The following BMP7 variants were observed in gnomAD, a reference collection of about 807,000 sequenced individuals.
The protein encoded by BMP7 is bone morphogenetic protein 7.
In BMP7, 12 loss-of-function variants were observed where a neutral mutation model predicts 41.2. The ratio of observed to expected loss-of-function variants is 0.29; its 90% CI spans 0.19 to 0.47. The LOEUF is 0.47. BMP7 is among the 20% of genes least tolerant of loss of function. The pLI is 0.99. For missense variants in BMP7, 467 were observed against 606.0 expected (o/e 0.77, Z 2.41); for synonymous variants, 248 against 250.0 (o/e 0.99, Z 0.07).
At chr20:57,216,534 G>C (rs929528905) in intron 2 of BMP7, among the ~76,000 whole-genome samples, 2 of 149,954 alleles carry the variant, frequency 1.3e-5, no homozygotes, top group African/African-American at 5.0e-5. Context: ...GGGCGAGGGG[G>C]CTGTCTCCTG....
At chr20:57,237,849 A>C (rs1428094095) in intron 1 of BMP7, among the ~76,000 whole-genome samples, 1 of 152,262 alleles carries the variant, frequency 6.6e-6, no homozygotes, top group Non-Finnish European at 1.5e-5. Context: ...GTACTGTAGA[A>C]GAGTAGTTCA....
At chr20:57,258,485 C>T (rs1319422320) in intron 1 of BMP7, among the ~76,000 whole-genome samples, 2 of 152,178 alleles carry the variant, frequency 1.3e-5, no homozygotes, top group Non-Finnish European at 2.9e-5. Context: ...TGACCATCTT[C>T]CAGAAAGGAT....
At chr20:57,192,393 A>C (rs1984391230) in intron 3 of BMP7, among the ~76,000 whole-genome samples, 1 of 149,312 alleles carries the variant, frequency 6.7e-6, no homozygotes, top group African/African-American at 2.5e-5. Flanking sequence ...GCTCGTGTAC[A>C]GATGTAACAT....
chr20:57,255,409 G>C (rs2066130225), intron 1 of BMP7, among the ~76,000 whole-genome samples: 3 of 152,190 alleles, frequency 2.0e-5, no homozygotes, highest in Non-Finnish European at 4.4e-5. Flanking sequence ...GCCCTCTGAG[G>C]TCTACAATCC....
Position 57,183,685 on chromosome 20 carries a change from C to T in BMP7, c.958+37G>A, listed in dbSNP as rs748869942. On this transcript the variant is annotated intron_variant, in intron 4 of 6. Transcript: ENST00000395863. ...GTCCCGCCGGGGCCCTGCTGGGTTC[C>T]TGTGGTGGGTCTGTGATCCCTCCCA... The T allele has an allele frequency of 2.5e-6, 4 of 1,612,614 alleles. No homozygotes were observed. The Admixed American group carries it at 6.7e-5, about 27-fold the overall frequency.
At chr20:57,197,812 A>T (rs1984529230) in intron 3 of BMP7, among the ~76,000 whole-genome samples, 1 of 152,196 alleles carries the variant, frequency 6.6e-6, no homozygotes, top group South Asian at 2.1e-4. Context: ...AAGGAACAAG[A>T]CCCCAAGAAG....
chr20:57,228,523 G>A lies in BMP7; in HGVS notation c.419-102C>T. ...AGCATCTTGCCTAAGCTAGATGGAG[G>A]CATGCCCATTGCCAGTGACCCCAGT... On this transcript the variant is annotated intron_variant, in intron 1 of 6. Transcript: ENST00000395863. This position sits in a 1 kb window ranked among gnomAD's most constrained non-coding sequence, Gnocchi z 4.5. 1 of 1,408,302 alleles carries A rather than the reference G, an allele frequency of 7.1e-7. No homozygotes were observed. The highest frequency in any genetic ancestry group is 1.0e-6 in the Non-Finnish European group (1 of 996,462). 87.2% of individuals were successfully genotyped at this position (1,408,302 alleles called of 1,614,324 possible).
At position 57,175,148 on chromosome 20, in the gene BMP7, G is replaced by T. The variant is rs2182435; in HGVS notation, c.959-141C>A. The T allele has an allele frequency of 0.075, 67,639 of 905,860 alleles. 2,788 individuals are homozygous for T. The highest frequency in any genetic ancestry group is 0.081 in the Non-Finnish European group (46,220 of 573,258). The allele number at this position is 905,860 out of a possible 1,614,324, so 56.1% of individuals were successfully genotyped here. On this transcript the variant is annotated intron_variant, in intron 4 of 6. Coordinates refer to ENST00000395863, the MANE Select transcript of BMP7 (RefSeq NM_001719.3). ...GGGGGGTAAATTTCCCGATTCAAAA[G>T]CCAGTTCGAGGGTCTAACTGCCTTA...
intron 4 of BMP7, among the ~76,000 whole-genome samples, chr20:57,179,487 C>A (rs1248908036): frequency 3.3e-5 from 5 of 152,238 alleles, no homozygotes; most frequent in Admixed American, 1.3e-4. Context: ...GACCCAGTTT[C>A]TCAACCCCAA....
chr20:57,184,288 G>A (rs73287961), intron 3 of BMP7, among the ~76,000 whole-genome samples: 3,043 of 152,232 alleles, frequency 0.02, 97 homozygotes, highest in African/African-American at 0.062. Context: ...TCAGGGAGTT[G>A]GGGGGCAATC....
rs543787597 is a variant in BMP7 at position 57,171,682 on chromosome 20, C to T, written c.1147-574G>A. ...AGTGTTAGCAGATCTGCCACGTGTT[C>T]AAGACAGGCCAGAGATTCCACTGTC... On this transcript the variant is annotated intron_variant, in intron 6 of 6. Coordinates refer to ENST00000395863, the MANE Select transcript of BMP7 (RefSeq NM_001719.3). The surrounding 1 kb of genome is among the most constrained non-coding windows in gnomAD (Gnocchi z 4.5). Among the ~76,000 whole-genome samples, 2 of 152,306 alleles carry T rather than the reference C, an allele frequency of 1.3e-5. No individual in the cohort carries two copies. Among genetic ancestry groups the T allele is most frequent in the African/African-American group, 4.8e-5 (2 of 41,564 alleles).
chr20:57,228,181 C>T lies in BMP7; in HGVS notation c.611+48G>A. On this transcript the variant is annotated intron_variant, in intron 2 of 6. Transcript: ENST00000395863. This position sits in a 1 kb window ranked among gnomAD's most constrained non-coding sequence, Gnocchi z 4.5. ...GGCCCTCACCACCTTCTTCCTCTGCCCCCAGAGGAAACTCAGCACCTCTCC... is the reference window on the plus strand; with the variant it reads ...GGCCCTCACCACCTTCTTCCTCTGCTCCCAGAGGAAACTCAGCACCTCTCC... 1.3e-6 allele frequency: 2 copies of T among 1,588,504 alleles called. No individual in the cohort carries two copies. Among genetic ancestry groups the T allele is most frequent in the Non-Finnish European group, 8.6e-7 (1 of 1,158,542 alleles).
intron 6 of BMP7, among the ~76,000 whole-genome samples, chr20:57,172,343 CAAAG>C (rs760344537): frequency 1.4e-4 from 22 of 152,028 alleles, no homozygotes; most frequent in Non-Finnish European, 2.6e-4. Flanking sequence ...AAAAAACAAA[CAAAG>C]AAACAAAAAC....
intron 4 of BMP7, among the ~76,000 whole-genome samples, chr20:57,181,802 A>G (rs537695965): frequency 2.0e-5 from 3 of 152,138 alleles, no homozygotes; most frequent in East Asian, 3.9e-4. Context: ...CCACAGCTCA[A>G]AAAGGCTCTC....
Position 57,266,281 on chromosome 20 carries a change from C to T in BMP7, c.-159G>A. 1 of 602,536 alleles carries T rather than the reference C, an allele frequency of 1.7e-6. No individual in the cohort carries two copies. The highest frequency in any genetic ancestry group is 2.4e-6 in the Non-Finnish European group (1 of 417,424). The allele number at this position is 602,536 out of a possible 1,614,324, so 37.3% of individuals were successfully genotyped here. A position where few individuals can be genotyped will look rare whatever the true frequency, so the allele number is the denominator to read the frequency against. On this transcript the variant is annotated 5_prime_UTR_variant, in exon 1 of 7. Coordinates refer to ENST00000395863, the MANE Select transcript of BMP7 (RefSeq NM_001719.3). ...TGGCCCCTCCCCGGCCGGCCGCGCT[C>T]TGCCCGGACCCCCGCCCCCTGCTCG...
intron 2 of BMP7, among the ~76,000 whole-genome samples, chr20:57,216,618 A>G (rs143359907): frequency 1.6e-4 from 23 of 141,436 alleles, no homozygotes; most frequent in African/African-American, 3.8e-4. Flanking sequence ...AGGGTGAGGG[A>G]CTGTCTCCTG....
chr20:57,240,970 T>C (rs2066066564), intron 1 of BMP7, among the ~76,000 whole-genome samples: 1 of 152,212 alleles, frequency 6.6e-6, no homozygotes, highest in South Asian at 2.1e-4. Flanking sequence ...GCCAGCATTT[T>C]AGAAGCCCTC....
chr20:57,176,039 A>G (rs1983915672), intron 4 of BMP7, among the ~76,000 whole-genome samples: 1 of 152,246 alleles, frequency 6.6e-6, no homozygotes, highest in Admixed American at 6.5e-5. Flanking sequence ...TAAGCTCATC[A>G]GTGCACATCC....
At chr20:57,202,452 C>T (rs368736590) in intron 3 of BMP7, 23 bp downstream of exon 3, 5 of 1,600,742 alleles carry the variant, frequency 3.1e-6, no homozygotes, top group Non-Finnish European at 4.2e-6. Flanking sequence ...TGCATTAGGA[C>T]TGGCAGTGGC....
Sources: gnomAD v4.1 joint callset for allele counts (sites outside exome capture counted in the v4.1 genomes callset) on GRCh38, gnomAD v4.1.1 for gene constraint, Gnocchi (gnomAD v3.1) non-coding constraint, MANE v1.5 for transcripts, NCBI Gene and HGNC (gene_info 2026-07-23, HGNC 2026-07-21) for gene names.